Variants in PARM1 observed in about 807,000 individuals in gnomAD.
The protein encoded by PARM1 is prostate androgen-regulated mucin-like protein 1.
Under a neutral mutation model 24.6 loss-of-function variants are expected in PARM1, and 14 were observed. That is an observed-to-expected ratio of 0.57 (90% CI 0.38 to 0.89). The LOEUF is 0.89. Among genes scored for constraint, PARM1 ranks in the 40% least tolerant of loss-of-function variants. PARM1 has a pLI of 0.00. For missense variants in PARM1, 362 were observed against 380.4 expected, an observed-to-expected ratio of 0.95 and a Z score of 0.40; for synonymous variants, 179 against 156.6, an observed-to-expected ratio of 1.14 and a Z score of -1.07.
intron 2 of PARM1, among the ~76,000 whole-genome samples, chr4:75,032,703 T>A (rs950665148): frequency 1.3e-5 from 2 of 151,866 alleles, no homozygotes; most frequent in Admixed American, 6.6e-5. Context: ...AGTATAAGAG[T>A]CGTCAGGGTT....
chr4:74,948,992 A>G (rs908175662), intron 1 of PARM1, among the ~76,000 whole-genome samples: 1 of 152,104 alleles, frequency 6.6e-6, no homozygotes, highest in African/African-American at 2.4e-5. Context: ...ACTGCACTCC[A>G]GCCTCGGCGA....
intron 2 of PARM1, among the ~76,000 whole-genome samples, chr4:75,032,227 A>G (rs1471199087): frequency 6.6e-6 from 1 of 152,234 alleles, no homozygotes; most frequent in East Asian, 1.9e-4. Flanking sequence ...CTTTGCAGAC[A>G]TGACAAGCTC....
intron 2 of PARM1, among the ~76,000 whole-genome samples, chr4:75,032,508 T>G (rs1723293089): frequency 6.6e-6 from 1 of 152,180 alleles, no homozygotes; most frequent in Non-Finnish European, 1.5e-5. Flanking sequence ...TCTACAGTGA[T>G]AAATCTCCAA....
At chr4:75,014,201 C>G (rs1481963845) in intron 2 of PARM1, among the ~76,000 whole-genome samples, 1 of 152,166 alleles carries the variant, frequency 6.6e-6, no homozygotes, top group African/African-American at 2.4e-5. Context: ...CGAATGGAAA[C>G]TGCTTGACAG....
intron 3 of PARM1, among the ~76,000 whole-genome samples, chr4:75,043,764 GGA>G: frequency 6.6e-6 from 1 of 152,280 alleles, no homozygotes; most frequent in South Asian, 2.1e-4. Flanking sequence ...TCACATTTGG[GGA>G]GAGTGTTGGC....
chr4:75,023,145 G>T (rs1005731539), intron 2 of PARM1, among the ~76,000 whole-genome samples: 2 of 152,204 alleles, frequency 1.3e-5, no homozygotes, highest in African/African-American at 2.4e-5. Flanking sequence ...ATATTTCCAT[G>T]TGGAGAAATC....
At chr4:74,962,253 T>A (rs1324468050) in intron 1 of PARM1, among the ~76,000 whole-genome samples, 2 of 152,148 alleles carry the variant, frequency 1.3e-5, no homozygotes, top group South Asian at 4.1e-4. Context: ...AACATTAGGA[T>A]GTTAAATGTA....
At chr4:74,983,921 G>C (rs1250007660) in intron 1 of PARM1, among the ~76,000 whole-genome samples, 1 of 152,102 alleles carries the variant, frequency 6.6e-6, no homozygotes, top group Non-Finnish European at 1.5e-5. Context: ...TTGAACTCCT[G>C]GGCTCCAGTG....
intron 2 of PARM1, among the ~76,000 whole-genome samples, chr4:75,016,121 T>C (rs546169782): frequency 1.3e-5 from 2 of 152,302 alleles, no homozygotes; most frequent in South Asian, 2.1e-4. Flanking sequence ...AATTTGACTA[T>C]AGACCTTAAG....
intron 1 of PARM1, among the ~76,000 whole-genome samples, chr4:74,975,231 C>G (rs1022406263): frequency 1.3e-5 from 2 of 152,196 alleles, no homozygotes; most frequent in Non-Finnish European, 2.9e-5. Context: ...AAAAACCAAG[C>G]ATCTTTAGCC....
At chr4:75,016,616 A>T (rs1000099771) in intron 2 of PARM1, among the ~76,000 whole-genome samples, 2 of 152,100 alleles carry the variant, frequency 1.3e-5, no homozygotes, top group African/African-American at 4.8e-5. Flanking sequence ...CTGACCTGCC[A>T]GCAGTGTCTG....
chr4:74,964,577 A>ACACACACACACACACACACT lies in PARM1; in HGVS notation c.43+31209_43+31210insCACACACACACACACACTCA, dbSNP rs377411929. The stretch of plus-strand genomic sequence containing the variant: ...AGCACACACACACACACACACACAC[A>ACACACACACACACACACACT]CATTGCATCCTTCCTTGATCTTTTG... On this transcript the variant is annotated intron_variant, in intron 1 of 3. Transcript: ENST00000307428. Among the ~76,000 whole-genome samples, 52 of 152,044 alleles carry ACACACACACACACACACACT rather than the reference A, an allele frequency of 3.4e-4. 1 individual carries two copies. Among genetic ancestry groups the ACACACACACACACACACACT allele is most frequent in the African/African-American group, 1.0e-3 (43 of 41,386 alleles).
At chr4:75,020,493 C>A (rs992050500) in intron 2 of PARM1, among the ~76,000 whole-genome samples, 1 of 104,466 alleles carries the variant, frequency 9.6e-6, no homozygotes, top group Non-Finnish European at 1.8e-5. Flanking sequence ...CCCCTCATTT[C>A]CCCCCCCCCG....
rs1239222237 is a variant in PARM1 at position 75,012,690 on chromosome 4, C to A, written c.309C>A (p.Asp103Glu). 1.1e-5 allele frequency: 18 copies of A among 1,613,982 alleles called. No individual in the cohort carries two copies. The highest frequency in any genetic ancestry group is 3.3e-4 in the Middle Eastern group (2 of 6,062). The change falls in exon 2 of 4, where the codon GAC becomes GAA. Residue 103 changes from aspartate (D) to glutamate (E), a missense_variant. Transcript: ENST00000307428. ...CGAATTGGGAAGGCACAAACACAGA[C>A]CCCTCACCTTCTGGGTTCTCGTCAA... ...PGSNWEGTNT[D>E]PSPSGFSSTS...
At chr4:75,031,527 TAA>T (rs58506227) in intron 2 of PARM1, among the ~76,000 whole-genome samples, 8 of 134,638 alleles carry the variant, frequency 5.9e-5, no homozygotes, top group African/African-American at 8.2e-5. Flanking sequence ...TCACTTACAA[TAA>T]AAAAAAAAAA....
intron 1 of PARM1, among the ~76,000 whole-genome samples, chr4:74,948,859 A>C (rs761978343): frequency 6.6e-6 from 1 of 152,078 alleles, no homozygotes; most frequent in Non-Finnish European, 1.5e-5. Flanking sequence ...TGTTTCTACT[A>C]AAAATACAAA....
At chr4:74,935,678 G>A (rs1366917554) in intron 1 of PARM1, among the ~76,000 whole-genome samples, 3 of 152,134 alleles carry the variant, frequency 2.0e-5, no homozygotes, top group African/African-American at 7.2e-5. Flanking sequence ...TCTTGAGCCA[G>A]GAACAGCATT....
intron 1 of PARM1, among the ~76,000 whole-genome samples, chr4:75,001,479 G>A (rs1486290575): frequency 2.6e-5 from 4 of 152,200 alleles, no homozygotes; most frequent in Non-Finnish European, 4.4e-5. Flanking sequence ...AGAGTTAAGT[G>A]TTGAGAGGAC....
rs958133747 is a variant in PARM1, at chr4:74,941,520, G to A, written c.43+8150G>A. On this transcript the variant is annotated intron_variant, in intron 1 of 3. Transcript: ENST00000307428. ...TTGGAGTACTAAGGCTCAAACCAACGCTAGATGCTACTGCTAGATATGAAA... is the reference window on the plus strand; with the variant it reads ...TTGGAGTACTAAGGCTCAAACCAACACTAGATGCTACTGCTAGATATGAAA... 7.9e-5 allele frequency among the ~76,000 whole-genome samples: 12 copies of A among 152,132 alleles called. No individual in the cohort carries two copies. The South Asian group carries it at 1.2e-3, about 16-fold the overall frequency.
Sources: gnomAD v4.1 joint callset for allele counts (sites outside exome capture counted in the v4.1 genomes callset) on GRCh38, gnomAD v4.1.1 for gene constraint, MANE v1.5 for transcripts, NCBI Gene and HGNC (gene_info 2026-07-23, HGNC 2026-07-21) for gene names.